The following RAD54B variants were observed in gnomAD, a reference collection of about 807,000 sequenced individuals.
RAD54B encodes the protein RAD54 homolog B.
RAD54B carries 78 observed loss-of-function variants against 95.8 expected under a neutral mutation model. That is an observed-to-expected ratio of 0.81 (90% CI 0.68 to 0.98). The LOEUF (loss-of-function observed/expected upper bound fraction) is 0.98, where lower values mean the gene tolerates loss of function less well. Ranked by LOEUF, RAD54B falls within the 50% of genes least tolerant of loss-of-function variation. RAD54B has a pLI of 0.00. For synonymous variants in RAD54B, 328 were observed against 354.9 expected, an observed-to-expected ratio of 0.92 and a Z score of 0.85; for missense variants, 957 against 1,056.6, an observed-to-expected ratio of 0.91 and a Z score of 1.31.
intron 2 of RAD54B, among the ~76,000 whole-genome samples, chr8:94,466,387 TAA>T (rs769597174): frequency 1.8e-4 from 28 of 151,994 alleles, no homozygotes; most frequent in Non-Finnish European, 3.4e-4. Context: ...TGAGACACAT[TAA>T]GACTGCTTCC....
At chr8:94,440,844 A>T (rs1812380200) in intron 3 of RAD54B, among the ~76,000 whole-genome samples, 1 of 152,188 alleles carries the variant, frequency 6.6e-6, no homozygotes, top group Non-Finnish European at 1.5e-5. Context: ...CTGAGGGAAG[A>T]GAGAGACCCT....
In RAD54B at chr8:94,407,547, TGG is replaced by T; in HGVS notation, c.671_672del (p.Ala224GlufsTer6). 2 of 1,614,042 alleles carry T rather than the reference TGG, an allele frequency of 1.2e-6. No individual in the cohort carries two copies. The highest frequency in any genetic ancestry group is 1.7e-6 in the Non-Finnish European group (2 of 1,179,930). On this transcript the variant is annotated frameshift_variant, in exon 5 of 15. Transcript: ENST00000336148. LOFTEE classifies it high-confidence loss of function. ...STAISHSSQV[A>X]RKCFSNPFKS... is the part of the protein sequence containing the mutation. ...TTGAAAGGGTTAGAGAAACATTTCC[TGG>T]CAACCTGAGAAGAATGCGAGATAGC...
chr8:94,385,028 G>A (rs1810836817), intron 11 of RAD54B, among the ~76,000 whole-genome samples: 1 of 152,116 alleles, frequency 6.6e-6, no homozygotes, highest in Admixed American at 6.5e-5. Flanking sequence ...ACTTGGGCCT[G>A]GGAGGTCAAG....
At chr8:94,453,502 C>T (rs1385292190) in intron 3 of RAD54B, among the ~76,000 whole-genome samples, 1 of 152,108 alleles carries the variant, frequency 6.6e-6, no homozygotes. Context: ...GCACTCCGGC[C>T]TGGGTGACAG....
intron 9 of RAD54B, among the ~76,000 whole-genome samples, chr8:94,392,757 C>T (rs1394758066): frequency 3.8e-5 from 5 of 131,786 alleles, no homozygotes; most frequent in Non-Finnish European, 6.3e-5. Context: ...GCCACCACAC[C>T]TGGCTGATTT....
intron 4 of RAD54B, 25 bp downstream of exon 4, chr8:94,411,096 T>C: frequency 2.6e-6 from 4 of 1,541,840 alleles, no homozygotes; most frequent in Non-Finnish European, 3.5e-6. Flanking sequence ...GGCCAAACTG[T>C]AAACATTAGG....
intron 3 of RAD54B, chr8:94,437,034 G>A: frequency 3.7e-6 from 5 of 1,339,278 alleles, no homozygotes; most frequent in East Asian, 2.7e-5. Context: ...TTAAGCTGAC[G>A]CAGGTTCAGG....
chr8:94,446,412 G>T (rs73271964), intron 3 of RAD54B, among the ~76,000 whole-genome samples: 15,601 of 152,200 alleles, frequency 0.1, 1,519 homozygotes, highest in African/African-American at 0.25. Context: ...GGCATCAAAG[G>T]TGAAGAGAAG....
chr8:94,419,336 T>C (rs1198228481), intron 3 of RAD54B, among the ~76,000 whole-genome samples: 5 of 151,988 alleles, frequency 3.3e-5, no homozygotes, highest in Non-Finnish European at 5.9e-5. Context: ...GGTGAAACCC[T>C]GTCTCTACTA....
intron 3 of RAD54B, among the ~76,000 whole-genome samples, chr8:94,437,440 C>G (rs1812295413): frequency 6.6e-6 from 1 of 152,188 alleles, no homozygotes; most frequent in African/African-American, 2.4e-5. Flanking sequence ...GCTGGATCTG[C>G]TGTCAATCAG....
intron 3 of RAD54B, among the ~76,000 whole-genome samples, chr8:94,453,185 A>G (rs1812706176): frequency 6.6e-6 from 1 of 152,188 alleles, no homozygotes; most frequent in South Asian, 2.1e-4. Context: ...TTATTAAGAC[A>G]TTGGTTAAGT....
At chr8:94,423,483 T>C (rs746903191) in intron 3 of RAD54B, among the ~76,000 whole-genome samples, 1 of 152,246 alleles carries the variant, frequency 6.6e-6, no homozygotes, top group African/African-American at 2.4e-5. Context: ...TATTATTTCA[T>C]TGATCGGTGA....
Position 94,387,108 on chromosome 8 carries a change from T to C in RAD54B, c.1861A>G (p.Lys621Glu). ...GCAGGAAACACACTTAGCAAGCCTT[T>C]GTATAGACTCTTTTCTTCATTTTTA... is the stretch of plus-strand genomic sequence containing the variant. The part of the protein sequence containing the change: ...CDKNEEKSLY[K>E]GLLSVFPADY... Residue 621 changes from lysine to glutamate, a missense_variant, in exon 11 of 15, where the codon AAA (lysine) becomes GAA (glutamate). By Grantham distance (56) the Lys-to-Glu change is moderately conservative (BLOSUM62 1). Transcript: ENST00000336148. 6.2e-7 allele frequency: 1 copy of C among 1,608,810 alleles called. No individual in the cohort carries two copies. Among genetic ancestry groups the C allele is most frequent in the Non-Finnish European group, 8.5e-7 (1 of 1,178,162 alleles).
At chr8:94,389,885 C>A (rs1403103488) in intron 10 of RAD54B, among the ~76,000 whole-genome samples, 1 of 152,132 alleles carries the variant, frequency 6.6e-6, no homozygotes, top group Non-Finnish European at 1.5e-5. Flanking sequence ...CACTCAGAGC[C>A]CCCTGCTGCT....
chr8:94,410,441 C>CTAGTATTATTAAT (rs1171515369), intron 4 of RAD54B, among the ~76,000 whole-genome samples: 5 of 152,046 alleles, frequency 3.3e-5, no homozygotes, highest in Non-Finnish European at 7.4e-5. Flanking sequence ...TACTGCCTGG[C>CTAGTATTATTAAT]ACATAATAGT....
intron 9 of RAD54B, 172 bp downstream of exon 9, chr8:94,393,571 T>C: frequency 1.8e-6 from 1 of 560,730 alleles, no homozygotes; most frequent in Non-Finnish European, 3.0e-6. Context: ...ATTCATGAAT[T>C]TTAGACAAGT....
intron 14 of RAD54B, among the ~76,000 whole-genome samples, chr8:94,375,911 G>C (rs1483542216): frequency 6.6e-6 from 1 of 150,906 alleles, no homozygotes; most frequent in Non-Finnish European, 1.5e-5. Context: ...GGGAGATAAG[G>C]GTAGAGTAGG....
At chr8:94,431,194 T>C (rs968589539) in intron 3 of RAD54B, 13 of 923,876 alleles carry the variant, frequency 1.4e-5, no homozygotes, top group Non-Finnish European at 1.7e-5. Flanking sequence ...ACAATACTTA[T>C]AAAATACATA....
chr8:94,376,824 T>C (rs1170170309), intron 14 of RAD54B, among the ~76,000 whole-genome samples: 1 of 150,466 alleles, frequency 6.6e-6, no homozygotes, highest in Non-Finnish European at 1.5e-5. Flanking sequence ...AATAAGCTTC[T>C]ATTGTACCTA....
Sources: gnomAD v4.1 joint callset for allele counts (sites outside exome capture counted in the v4.1 genomes callset) on GRCh38, gnomAD v4.1.1 for gene constraint, MANE v1.5 for transcripts, NCBI Gene and HGNC (gene_info 2026-07-23, HGNC 2026-07-21) for gene names.